The following GPHN variants were observed in gnomAD, a reference collection of about 807,000 sequenced individuals.
The protein encoded by GPHN is gephyrin.
Under a neutral mutation model 95.5 loss-of-function variants are expected in GPHN, and 17 were observed. The observed-to-expected ratio is 0.18, with a 90% CI of 0.12 to 0.27. The LOEUF is 0.27. Ranked by LOEUF, GPHN falls within the 10% of genes least tolerant of loss-of-function variation. The probability of loss-of-function intolerance (pLI) is 1.00; values close to 1 mark genes in which losing one functional copy is unlikely to be tolerated. For synonymous variants in GPHN, 320 were observed against 322.5 expected (o/e 0.99, Z 0.08); for missense variants, 660 against 978.1 (o/e 0.67, Z 4.34).
chr14:66,672,911 C>T (rs1004322516), intron 1 of GPHN, among the ~76,000 whole-genome samples: 2 of 152,032 alleles, frequency 1.3e-5, no homozygotes, highest in South Asian at 2.1e-4. Flanking sequence ...CATTCAACAT[C>T]GTTATTGATG....
At chr14:67,066,015 C>T (rs1359970732) in intron 11 of GPHN, among the ~76,000 whole-genome samples, 1 of 152,086 alleles carries the variant, frequency 6.6e-6, no homozygotes, top group Non-Finnish European at 1.5e-5. Flanking sequence ...TTAATTGATG[C>T]AGTTTCTTCA....
At chr14:67,461,886 G>T in the GPHN span, among the ~76,000 whole-genome samples, 1 of 152,204 alleles carries the variant, frequency 6.6e-6, no homozygotes, top group East Asian at 1.9e-4. Context: ...CAAGGAACAG[G>T]CTTTCCCTTG....
chr14:67,227,074 A>G, the GPHN span, among the ~76,000 whole-genome samples: 1 of 152,256 alleles, frequency 6.6e-6, no homozygotes, highest in Non-Finnish European at 1.5e-5. Flanking sequence ...TTAGGGTCTC[A>G]TTAACAGAGA....
At chr14:67,616,849 ATTCTT>A in the GPHN span, 3 of 151,980 alleles carry the variant, frequency 2.0e-5, no homozygotes, top group Non-Finnish European at 2.9e-5. Flanking sequence ...TTTTGACTGC[ATTCTT>A]TTATTTCTAT....
the GPHN span, chr14:67,575,595 G>T: frequency 1.3e-6 from 1 of 766,866 alleles, no homozygotes; most frequent in South Asian, 1.5e-5. Context: ...AAATCAGTTG[G>T]CTGGATCCCT....
At chr14:67,121,901 T>C (rs2079030678) in intron 16 of GPHN, among the ~76,000 whole-genome samples, 1 of 152,260 alleles carries the variant, frequency 6.6e-6, no homozygotes, top group Non-Finnish European at 1.5e-5. Flanking sequence ...ATATTCCCAA[T>C]GGAAGACAAA....
chr14:66,570,592 A>G (rs1044635921), intron 1 of GPHN, among the ~76,000 whole-genome samples: 1 of 149,666 alleles, frequency 6.7e-6, no homozygotes, highest in African/African-American at 2.5e-5. Context: ...AGGCATGATC[A>G]CCATGCCTGG....
intron 3 of GPHN, among the ~76,000 whole-genome samples, chr14:66,822,334 C>G (rs2061229720): frequency 6.6e-6 from 1 of 152,168 alleles, no homozygotes; most frequent in African/African-American, 2.4e-5. Flanking sequence ...CAGATCGTCT[C>G]CTTAGACTAG....
At chr14:67,589,258 A>G in the GPHN span, 1 of 775,804 alleles carries the variant, frequency 1.3e-6, no homozygotes, top group East Asian at 1.3e-4. Flanking sequence ...ACCCTTCAGG[A>G]ACCCTTTAGT....
At chr14:67,374,494 G>A in the GPHN span, 1 of 1,606,254 alleles carries the variant, frequency 6.2e-7, no homozygotes, top group Non-Finnish European at 8.5e-7. Context: ...AAAAAGAAGA[G>A]TTTCTCCAGA....
chr14:67,647,270 T>G, the GPHN span: 1 of 407,760 alleles, frequency 2.5e-6, no homozygotes. Context: ...TCTCCATCTT[T>G]AATGCTTATC....
At chr14:67,580,659 T>C in the GPHN span, among the ~76,000 whole-genome samples, 2 of 152,202 alleles carry the variant, frequency 1.3e-5, no homozygotes, top group Non-Finnish European at 2.9e-5. Flanking sequence ...TCGAAGGCCA[T>C]GGGGCTGCCT....
intron 1 of GPHN, among the ~76,000 whole-genome samples, chr14:66,610,432 G>C (rs7140281): frequency 0.32 from 49,148 of 151,756 alleles, 11,635 homozygotes; most frequent in African/African-American, 0.64. Flanking sequence ...TGTTGCCTTT[G>C]AACTCTTGGT....
At chr14:67,555,890 A>G in the GPHN span, 2 of 1,613,376 alleles carry the variant, frequency 1.2e-6, no homozygotes, top group Non-Finnish European at 1.7e-6. Context: ...AGACCCAGGT[A>G]ACCAGGGGAG....
the GPHN span, chr14:67,303,661 G>A: frequency 1.7e-6 from 2 of 1,160,660 alleles, no homozygotes; most frequent in Non-Finnish European, 2.6e-6. Flanking sequence ...TTCTGTTACT[G>A]TTTACTGTTA....
intron 2 of GPHN, among the ~76,000 whole-genome samples, chr14:66,699,151 A>C (rs1408435192): frequency 6.6e-6 from 1 of 152,230 alleles, no homozygotes; most frequent in East Asian, 1.9e-4. Flanking sequence ...TTGACCTTTC[A>C]GAATCTTAGT....
the GPHN span, among the ~76,000 whole-genome samples, chr14:67,671,991 G>T: frequency 6.6e-6 from 1 of 152,142 alleles, no homozygotes; most frequent in Non-Finnish European, 1.5e-5. Flanking sequence ...GTTTTAGAGG[G>T]GGACATTCAA....
chr14:67,315,268 ATTTTTTTTTTTTTT>A, the GPHN span, among the ~76,000 whole-genome samples: 1 of 101,590 alleles, frequency 9.8e-6, no homozygotes, highest in South Asian at 3.3e-4. Context: ...CTTATTTTTA[ATTTTTTTTTTTTTT>A]TTTTTTTTTT....
chr14:67,179,943 T>C (rs1224187057), intron 22 of GPHN, among the ~76,000 whole-genome samples: 1 of 152,176 alleles, frequency 6.6e-6, no homozygotes. Context: ...AAATCTGGAA[T>C]TACAGAAGAT....
Sources: allele counts gnomAD v4.1 joint callset (sites outside exome capture counted in the v4.1 genomes callset), GRCh38; gene constraint gnomAD v4.1.1; transcripts MANE v1.5; gene names NCBI Gene and HGNC (gene_info 2026-07-23, HGNC 2026-07-21).